The following GSN variants were observed in gnomAD, a reference collection of about 807,000 sequenced individuals.
GSN encodes the protein actin-depolymerizing factor.
A neutral mutation model predicts 85.7 loss-of-function variants in GSN; 56 were observed. The observed-to-expected ratio is 0.65, with a 90% confidence interval of 0.53 to 0.82. The LOEUF is 0.82. GSN is among the 40% of genes least tolerant of loss of function. The probability of loss-of-function intolerance (pLI) is 0.00; values close to 1 mark genes in which losing one functional copy is unlikely to be tolerated. For synonymous variants in GSN, 373 were observed against 399.1 expected, an observed-to-expected ratio of 0.93 and a Z score of 0.78; for missense variants, 857 against 979.8, an observed-to-expected ratio of 0.87 and a Z score of 1.67.
chr9:121,329,176 A>G lies in GSN; in HGVS notation c.1888-62A>G, dbSNP rs2063605747. On this transcript the variant is annotated intron_variant, in intron 15 of 17. Coordinates refer to ENST00000432226, the MANE Select transcript of GSN (RefSeq NM_198252.3). The surrounding 1 kb of genome is among the most constrained non-coding windows in gnomAD (Gnocchi z 4.6). ...GCTGTGCCACTCCCTCAGGGGGCAG[A>G]TAAAGGAAGGCCACCCAGGGGAGGG... 5.9e-5 allele frequency: 88 copies of G among 1,484,726 alleles called. No homozygotes were observed. Among genetic ancestry groups the G allele is most frequent in the Non-Finnish European group, 8.0e-5 (85 of 1,063,430 alleles). 92.0% of individuals were successfully genotyped at this position (1,484,726 alleles called of 1,614,324 possible).
At chr9:121,213,143 G>T (rs887708641) in intron 4 of GSN, among the ~76,000 whole-genome samples, 3 of 152,074 alleles carry the variant, frequency 2.0e-5, no homozygotes, top group Non-Finnish European at 4.4e-5. Context: ...CTCGATACCC[G>T]GCCTAAGTAT....
At chr9:121,203,789 T>G (rs1428545619), upstream of GSN, among the ~76,000 whole-genome samples, 1 of 152,238 alleles carries the variant, frequency 6.6e-6, no homozygotes, top group African/African-American at 2.4e-5. Context: ...AAATAGGTCT[T>G]TGTGAAAATT....
At chr9:121,303,414 C>G (rs1407550341) in intron 4 of GSN, among the ~76,000 whole-genome samples, 1 of 152,210 alleles carries the variant, frequency 6.6e-6, no homozygotes, top group African/African-American at 2.4e-5. Context: ...TAGTCCTGTT[C>G]TGGTACCCCT....
At chr9:121,320,368 A>AG (rs1298172139) in intron 10 of GSN, among the ~76,000 whole-genome samples, 1 of 152,200 alleles carries the variant, frequency 6.6e-6, no homozygotes, top group Non-Finnish European at 1.5e-5. Flanking sequence ...TGGCAGGCCC[A>AG]GCACAGTGGC....
rs1229869161 is a variant in GSN at position 121,332,706 on chromosome 9, G to C, written c.*103G>C. On this transcript the variant is annotated 3_prime_UTR_variant, in exon 18 of 18. Transcript: ENST00000432226. This position sits in a 1 kb window ranked among gnomAD's most constrained non-coding sequence, Gnocchi z 4.8. ...CAGAGCAGCTCTGCTATGAGTGTGT[G>C]TGTGTGTGTGTGTTGTTTCTTTTTT... 1.3e-6 allele frequency: 1 copy of C among 761,932 alleles called. No homozygotes were observed. Among genetic ancestry groups the C allele is most frequent in the Non-Finnish European group, 2.1e-6 (1 of 472,930 alleles). 47.2% of individuals were successfully genotyped at this position (761,932 alleles called of 1,614,324 possible).
intron 2 of GSN, among the ~76,000 whole-genome samples, chr9:121,286,922 G>T (rs2058159906): frequency 6.6e-6 from 1 of 152,190 alleles, no homozygotes; most frequent in Non-Finnish European, 1.5e-5. Flanking sequence ...TTTTGGGGAG[G>T]ATTCAACAAG....
In GSN at chr9:121,306,934, A is replaced by G. The variant is rs575886799; in HGVS notation, c.352-3750A>G. Among the ~76,000 whole-genome samples, 25 of 152,318 alleles carry G rather than the reference A, an allele frequency of 1.6e-4. No individual in the cohort carries two copies. In the South Asian group the frequency reaches 5.2e-3, roughly 32 times the overall value. ...GGTGGCTCACACTTGTAATCCCAAC[A>G]CTTTGGGAGGCCGAGATGGGTGGAT... On this transcript the variant is annotated intron_variant, in intron 4 of 17. Transcript: ENST00000432226.
intron 4 of GSN, chr9:121,309,643 A>G (rs2060845948): frequency 6.6e-6 from 1 of 152,126 alleles, no homozygotes; most frequent in African/African-American, 2.4e-5. Flanking sequence ...GCTTTTGCAA[A>G]ATACTCAAGC....
intron 1 of GSN, among the ~76,000 whole-genome samples, chr9:121,271,597 C>G (rs923332960): frequency 2.6e-5 from 4 of 152,102 alleles, no homozygotes; most frequent in African/African-American, 9.7e-5. Flanking sequence ...ACTAAACATT[C>G]TCTTGAAAAT....
intron 4 of GSN, among the ~76,000 whole-genome samples, chr9:121,307,886 GC>G (rs1389225899): frequency 1.3e-5 from 2 of 151,836 alleles, no homozygotes; most frequent in Non-Finnish European, 2.9e-5. Flanking sequence ...CCCCTGCATT[GC>G]CCTGACCTAT....
chr9:121,205,207 C>T (rs907541014), upstream of GSN, among the ~76,000 whole-genome samples: 1 of 152,234 alleles, frequency 6.6e-6, no homozygotes, highest in African/African-American at 2.4e-5. Context: ...CACAGACACA[C>T]CATCACCAGT....
At chr9:121,286,253 G>A (rs2058057552) in intron 2 of GSN, 2 of 1,057,604 alleles carry the variant, frequency 1.9e-6, no homozygotes, top group Non-Finnish European at 2.8e-6. Flanking sequence ...GGAGACCCGA[G>A]GGAAAGTCCC....
chr9:121,243,090 T>A (rs2054636659), intron 5 of GSN, among the ~76,000 whole-genome samples: 1 of 152,186 alleles, frequency 6.6e-6, no homozygotes, highest in African/African-American at 2.4e-5. Flanking sequence ...GCAGTCTCCC[T>A]GGGCTAGAAT....
intron 6 of GSN, among the ~76,000 whole-genome samples, chr9:121,252,195 AG>A (rs1359943937): frequency 1.3e-5 from 2 of 152,214 alleles, no homozygotes; most frequent in African/African-American, 4.8e-5. Context: ...GAAATGGGGA[AG>A]GTAGCATTTG....
At position 121,279,096 on chromosome 9, in the gene GSN, A is replaced by T. The variant is rs142001279; in HGVS notation, c.-102-2374A>T. Among the ~76,000 whole-genome samples, 6 of 152,302 alleles carry T rather than the reference A, an allele frequency of 3.9e-5. No homozygotes were observed. In the East Asian group the frequency reaches 9.7e-4, roughly 25 times the overall value. ...GGCTGACTTGCAAATAGACTATTAC[A>T]GTAGAGTGTGACCGGGCAGATTAGG... is the stretch of plus-strand genomic sequence containing the variant. On this transcript the variant is annotated intron_variant, in intron 1 of 17. Transcript: ENST00000432226.
intron 6 of GSN, among the ~76,000 whole-genome samples, chr9:121,255,733 T>C (rs2054942253): frequency 6.6e-6 from 1 of 152,218 alleles, no homozygotes; most frequent in South Asian, 2.1e-4. Context: ...TAATCTTCTT[T>C]TGGTGAACCT....
intron 8 of GSN, 172 bp downstream of exon 8, chr9:121,317,390 G>A (rs1027177845): frequency 5.5e-6 from 4 of 728,084 alleles, no homozygotes; most frequent in African/African-American, 5.2e-5. Flanking sequence ...GTGATCTTGG[G>A]CACTTTACTT....
At chr9:121,282,103 G>A in intron 2 of GSN, 1 of 463,462 alleles carries the variant, frequency 2.2e-6, no homozygotes, top group Non-Finnish European at 4.4e-6. Context: ...CAGATTCACA[G>A]GTGACCTGCT....
At chr9:121,210,402 C>G (rs1359655174) in intron 3 of GSN, 1 of 152,238 alleles carries the variant, frequency 6.6e-6, no homozygotes, top group Non-Finnish European at 1.5e-5. Flanking sequence ...ATTTTCTTAG[C>G]CAGAGCAAGT....
Sources: gnomAD v4.1 joint callset for allele counts (sites outside exome capture counted in the v4.1 genomes callset) on GRCh38, gnomAD v4.1.1 for gene constraint, Gnocchi (gnomAD v3.1) non-coding constraint, MANE v1.5 for transcripts, NCBI Gene and HGNC (gene_info 2026-07-23, HGNC 2026-07-21) for gene names.